UBR2: variants seen among roughly 807,000 people sequenced by gnomAD.
The protein encoded by UBR2 is ubiquitin protein ligase E3 component n-recognin 2, also known as E3 ubiquitin-protein ligase UBR2.
UBR2 carries 92 observed loss-of-function variants against 247.9 expected under a neutral mutation model. The observed-to-expected ratio is 0.37, with a 90% CI of 0.31 to 0.44. The LOEUF is 0.44. Ranked by LOEUF, UBR2 falls within the 20% of genes least tolerant of loss-of-function variation. UBR2 has a pLI of 1.00. For missense variants in UBR2, 1,613 were observed against 2,112.6 expected, an observed-to-expected ratio of 0.76 and a Z score of 4.64; for synonymous variants, 672 against 693.5, an observed-to-expected ratio of 0.97 and a Z score of 0.49.
chr6:42,618,148 GACTC>G (rs1794677280), intron 11 of UBR2, among the ~76,000 whole-genome samples: 1 of 152,184 alleles, frequency 6.6e-6, no homozygotes, highest in African/African-American at 2.4e-5. Context: ...TAGTGGGAAA[GACTC>G]ACATAAATAA....
rs1003817633 is a variant in UBR2 at position 42,615,898 on chromosome 6, A to AAAAAC, written c.1094-89_1094-85dup. On this transcript the variant is annotated intron_variant, in intron 9 of 46. Coordinates refer to ENST00000372901, the MANE Select transcript of UBR2 (RefSeq NM_001363705.2). Reference sequence around the variant, plus strand: ...CACAGCAAGACACTGTCTCAAAAGTAAAAACAAAACAAAACAAAAAAAACC... The same window carrying AAAAAC: ...CACAGCAAGACACTGTCTCAAAAGTAAAAACAAAACAAAACAAAACAAAAAAAACC... 5 of 874,106 alleles carry AAAAAC rather than the reference A, an allele frequency of 5.7e-6. No individual in the cohort carries two copies. The African/African-American group carries it at 8.7e-5, about 15-fold the overall frequency. 54.1% of individuals were successfully genotyped at this position (874,106 alleles called of 1,614,324 possible).
intron 2 of UBR2, among the ~76,000 whole-genome samples, chr6:42,584,629 T>C (rs1023844291): frequency 9.2e-5 from 14 of 152,224 alleles, no homozygotes; most frequent in African/African-American, 3.4e-4. Flanking sequence ...TTAACAATAC[T>C]GAGTTTCCCA....
rs1799791878 is a variant in UBR2 at position 42,692,376 on chromosome 6, T to C, written c.*1203T>C. ...GGGATGGTCTGGCACCCAGGCTTTTTATTCTTTTTGATCATTGTTCTTACT... is the reference window on the plus strand; with the variant it reads ...GGGATGGTCTGGCACCCAGGCTTTTCATTCTTTTTGATCATTGTTCTTACT... On this transcript the variant is annotated 3_prime_UTR_variant, in exon 47 of 47. Coordinates refer to ENST00000372901, the MANE Select transcript of UBR2 (RefSeq NM_001363705.2). 1 of 152,212 alleles carries C rather than the reference T, an allele frequency of 6.6e-6. No homozygotes were observed. Among genetic ancestry groups the C allele is most frequent in the Non-Finnish European group, 1.5e-5 (1 of 68,046 alleles). The allele number at this position is 152,212 out of a possible 1,614,324, so 9.4% of individuals were successfully genotyped here.
At chr6:42,567,512 C>T (rs189279041) in intron 1 of UBR2, among the ~76,000 whole-genome samples, 34 of 152,210 alleles carry the variant, frequency 2.2e-4, no homozygotes, top group Admixed American at 1.9e-3. Context: ...GGGCAGATCA[C>T]AAGGTCAAGA....
chr6:42,625,818 C>CTT (rs112761416), intron 11 of UBR2, among the ~76,000 whole-genome samples: 16 of 144,394 alleles, frequency 1.1e-4, no homozygotes, highest in South Asian at 4.4e-4. Context: ...TTTTTCCCCC[C>CTT]TTTTTTTTTT....
intron 14 of UBR2, among the ~76,000 whole-genome samples, chr6:42,636,025 G>A (rs1178097311): frequency 6.6e-6 from 1 of 152,172 alleles, no homozygotes; most frequent in Non-Finnish European, 1.5e-5. Context: ...TGATATTCCT[G>A]ACTGAGAAGA....
At chr6:42,671,750 C>G (rs1237474602) in intron 36 of UBR2, among the ~76,000 whole-genome samples, 1 of 152,186 alleles carries the variant, frequency 6.6e-6, no homozygotes, top group Non-Finnish European at 1.5e-5. Context: ...AGCCCACTCT[C>G]CCTCCTCCAT....
intron 11 of UBR2, among the ~76,000 whole-genome samples, chr6:42,629,483 G>A (rs1190460101): frequency 2.6e-5 from 4 of 152,030 alleles, no homozygotes; most frequent in Admixed American, 1.3e-4. Context: ...GTGAAACCCT[G>A]TCTCTACTAA....
chr6:42,662,398 T>C, intron 31 of UBR2, 121 bp downstream of exon 31: 1 of 624,610 alleles, frequency 1.6e-6, no homozygotes, highest in Non-Finnish European at 2.7e-6. Context: ...AAAATCCGTA[T>C]CATTGCCTAA....
rs796591628 is a variant in UBR2, at chr6:42,603,567, T to C, written c.532-21T>C. ...GATTGCCCTTTTTTTCTTTTTCTTT[T>C]TTTTCTGTTGTTTCTTTCAGGATCC... On this transcript the variant is annotated intron_variant, in intron 4 of 46. Transcript: ENST00000372901. The C allele has an allele frequency of 3.3e-6, 5 of 1,538,204 alleles. No individual in the cohort carries two copies. In the African/African-American group the frequency reaches 7.1e-5, roughly 22 times the overall value.
intron 8 of UBR2, among the ~76,000 whole-genome samples, chr6:42,613,537 A>C (rs1288538696): frequency 1.3e-5 from 2 of 152,198 alleles, no homozygotes; most frequent in African/African-American, 2.4e-5. Context: ...AGCCTGGGTA[A>C]TATAGGGAGA....
chr6:42,577,984 C>T (rs79572317), intron 2 of UBR2, among the ~76,000 whole-genome samples: 19 of 151,704 alleles, frequency 1.3e-4, no homozygotes, highest in East Asian at 7.7e-4. Flanking sequence ...AATTTTGATA[C>T]ACACACATAA....
At chr6:42,645,366 C>A in intron 20 of UBR2, 100 bp from the exon 21 acceptor site, 1 of 1,152,866 alleles carries the variant, frequency 8.7e-7, no homozygotes, top group South Asian at 1.4e-5. Flanking sequence ...CTCAGACAGA[C>A]TTAGAGAAAT....
chr6:42,684,195 A>G lies in UBR2; in HGVS notation c.4776-599A>G, dbSNP rs116558012. On this transcript the variant is annotated intron_variant, in intron 43 of 46. Coordinates refer to ENST00000372901, the MANE Select transcript of UBR2 (RefSeq NM_001363705.2). ...GAACTTTTGAAAAAATACTCAGGCC[A>G]CTACCTACTGAATCTAATTTCTCTA... Among the ~76,000 whole-genome samples the G allele has an allele frequency of 5.0e-3, 768 of 152,314 alleles. 3 individuals carry two copies. The highest frequency in any genetic ancestry group is 0.017 in the African/African-American group (715 of 41,562).
At chr6:42,602,576 A>C (rs994706249) in intron 4 of UBR2, among the ~76,000 whole-genome samples, 2 of 151,914 alleles carry the variant, frequency 1.3e-5, no homozygotes, top group South Asian at 2.1e-4. Flanking sequence ...GTGGGTATGC[A>C]AAAATGTTCT....
At chr6:42,687,764 C>A (rs1410257588) in intron 44 of UBR2, among the ~76,000 whole-genome samples, 2 of 152,148 alleles carry the variant, frequency 1.3e-5, no homozygotes, top group Non-Finnish European at 2.9e-5. Flanking sequence ...TGGTCTCAAA[C>A]TCCTGACCTC....
At chr6:42,608,998 T>C (rs561942551) in intron 7 of UBR2, among the ~76,000 whole-genome samples, 1 of 152,266 alleles carries the variant, frequency 6.6e-6, no homozygotes, top group African/African-American at 2.4e-5. Flanking sequence ...TTACAGATTA[T>C]CAAGTAGGGA....
At chr6:42,603,389 A>G (rs1005159987) in intron 4 of UBR2, among the ~76,000 whole-genome samples, 199 bp from the exon 5 acceptor site, 7 of 152,172 alleles carry the variant, frequency 4.6e-5, no homozygotes, top group African/African-American at 1.7e-4. Flanking sequence ...AATAACTGGG[A>G]TTGTTCTGAA....
chr6:42,601,252 A>G (rs890683105), intron 4 of UBR2, among the ~76,000 whole-genome samples: 6 of 152,302 alleles, frequency 3.9e-5, no homozygotes, highest in South Asian at 4.1e-4. Context: ...TATGAGGTTC[A>G]TATTATTATT....
Sources: allele counts gnomAD v4.1 joint callset (sites outside exome capture counted in the v4.1 genomes callset), GRCh38; gene constraint gnomAD v4.1.1; transcripts MANE v1.5; gene names NCBI Gene and HGNC (gene_info 2026-07-23, HGNC 2026-07-21).